ARMC8: variants seen among roughly 807,000 people sequenced by gnomAD.
ARMC8 encodes armadillo repeat-containing protein 8.
ARMC8 carries 20 observed loss-of-function variants against 99.3 expected under a neutral mutation model. That is an observed-to-expected ratio of 0.20 (90% CI 0.14 to 0.29). The LOEUF (loss-of-function observed/expected upper bound fraction) is 0.29. ARMC8 is among the 10% of genes least tolerant of loss of function. The pLI is 1.00. For missense variants in ARMC8, 569 were observed against 809.5 expected, an observed-to-expected ratio of 0.70 and a Z score of 3.60; for synonymous variants, 263 against 278.3, an observed-to-expected ratio of 0.95 and a Z score of 0.55.
intron 12 of ARMC8, chr3:138,261,400 T>A (rs552081966): frequency 3.9e-5 from 6 of 152,056 alleles, no homozygotes; most frequent in African/African-American, 1.4e-4. Flanking sequence ...TAGCCAAGGC[T>A]AGGGGGTGGG....
At chr3:138,283,644 C>G (rs531817250) in intron 18 of ARMC8, among the ~76,000 whole-genome samples, 4 of 152,282 alleles carry the variant, frequency 2.6e-5, no homozygotes, top group African/African-American at 7.2e-5. Context: ...GTATCCCTAT[C>G]ATAGTCCTTT....
intron 1 of ARMC8, among the ~76,000 whole-genome samples, chr3:138,209,234 T>C (rs550992646): frequency 6.6e-6 from 1 of 152,382 alleles, no homozygotes; most frequent in East Asian, 1.9e-4. Context: ...CTTAGCTTGC[T>C]GCTAAGTGTA....
At position 138,274,406 on chromosome 3, in the gene ARMC8, T is replaced by G. The variant is rs751183128; in HGVS notation, c.1630-43T>G. 2.3e-6 allele frequency: 3 copies of G among 1,317,272 alleles called. No individual in the cohort carries two copies. In the South Asian group the frequency reaches 3.6e-5, roughly 16 times the overall value. 81.6% of individuals were successfully genotyped at this position (1,317,272 alleles called of 1,614,324 possible). On this transcript the variant is annotated intron_variant, in intron 17 of 21. Coordinates refer to ENST00000469044, the MANE Select transcript of ARMC8 (RefSeq NM_001363941.2). ...TAGAAGCCTTGTATTCGTCCTGTGG[T>G]CTTTGTTTCTTTGATAATTATGGAT...
intron 1 of ARMC8, among the ~76,000 whole-genome samples, chr3:138,189,188 C>T (rs1189886486): frequency 6.6e-6 from 1 of 151,536 alleles, no homozygotes; most frequent in African/African-American, 2.4e-5. Flanking sequence ...ATAATATTTT[C>T]TGCTTATTTT....
chr3:138,200,554 C>T (rs949786417), intron 1 of ARMC8, among the ~76,000 whole-genome samples: 2 of 152,278 alleles, frequency 1.3e-5, no homozygotes, highest in Middle Eastern at 3.4e-3. Context: ...CCCAGGACAT[C>T]TAGCATCTTT....
intron 17 of ARMC8, among the ~76,000 whole-genome samples, chr3:138,273,627 A>G (rs757336544): frequency 2.4e-4 from 36 of 152,286 alleles, no homozygotes; most frequent in Non-Finnish European, 4.1e-4. Flanking sequence ...ATACCTCTCA[A>G]TGTTCTCTAA....
chr3:138,233,502 AC>A (rs1393979718), intron 6 of ARMC8, among the ~76,000 whole-genome samples: 1 of 152,242 alleles, frequency 6.6e-6, no homozygotes, highest in Non-Finnish European at 1.5e-5. Context: ...ACTATGGAGT[AC>A]TGTATTGTGA....
In ARMC8 at chr3:138,252,861, AC is replaced by A. The variant is rs2108220355; in HGVS notation, c.1134+7680del. Among the ~76,000 whole-genome samples, 6 of 151,378 alleles carry A rather than the reference AC, an allele frequency of 4.0e-5. No homozygotes were observed. In the South Asian group the frequency reaches 1.3e-3, roughly 32 times the overall value. On this transcript the variant is annotated intron_variant, in intron 12 of 21. Coordinates refer to ENST00000469044, the MANE Select transcript of ARMC8 (RefSeq NM_001363941.2). ...GCATATAGAAAGAAACAGGGCCCTG[AC>A]CAGAAGAGGGAGAAGCCAGTTGTCT...
chr3:138,232,122 C>T (rs2046077468), intron 6 of ARMC8, among the ~76,000 whole-genome samples: 1 of 151,588 alleles, frequency 6.6e-6, no homozygotes, highest in African/African-American at 2.4e-5. Context: ...AGGTGTGCAC[C>T]ACAATACCTG....
At chr3:138,289,501 A>G (rs542190753) in intron 20 of ARMC8, among the ~76,000 whole-genome samples, 2 of 152,344 alleles carry the variant, frequency 1.3e-5, no homozygotes, top group Admixed American at 1.3e-4. Context: ...CTACAGGCAG[A>G]TAAGCATGAT....
intron 1 of ARMC8, among the ~76,000 whole-genome samples, chr3:138,194,046 C>CTT (rs755827729): frequency 0.03 from 4,313 of 142,302 alleles, 230 homozygotes; most frequent in African/African-American, 0.1. Context: ...GGCATTACGT[C>CTT]TTTTTTTTTT....
At chr3:138,189,461 C>A (rs2043253951) in intron 1 of ARMC8, among the ~76,000 whole-genome samples, 2 of 152,090 alleles carry the variant, frequency 1.3e-5, no homozygotes, top group African/African-American at 4.8e-5. Context: ...CCCAGAGCAC[C>A]ATGTTTTGAA....
chr3:138,245,337 G>A (rs1576751078), intron 12 of ARMC8, 154 bp downstream of exon 12: 10 of 1,489,506 alleles, frequency 6.7e-6, no homozygotes, highest in Admixed American at 4.4e-5. Flanking sequence ...AATGGGACCC[G>A]GATTTGGGGG....
intron 19 of ARMC8, among the ~76,000 whole-genome samples, chr3:138,288,694 A>G (rs1466555012): frequency 1.4e-5 from 2 of 145,354 alleles, no homozygotes; most frequent in Admixed American, 7.2e-5. Flanking sequence ...GCTGAGTGCA[A>G]TGGCACGATC....
Position 138,286,717 on chromosome 3 carries a change from G to A in ARMC8, c.1821+2191G>A, listed in dbSNP as rs545268059. ...TTTAAGATCACTGGGTGGTTCTTACGTACAGACAGAGTTGAGAACCATTGC... is the reference window on the plus strand; with the variant it reads ...TTTAAGATCACTGGGTGGTTCTTACATACAGACAGAGTTGAGAACCATTGC... On this transcript the variant is annotated intron_variant, in intron 19 of 21. Transcript: ENST00000469044. Among the ~76,000 whole-genome samples, 7 of 152,076 alleles carry A rather than the reference G, an allele frequency of 4.6e-5. No homozygotes were observed. In the East Asian group the frequency reaches 1.4e-3, roughly 29 times the overall value.
At chr3:138,269,966 C>T in intron 15 of ARMC8, 74 bp from the exon 16 acceptor site, 2 of 958,276 alleles carry the variant, frequency 2.1e-6, no homozygotes, top group Admixed American at 2.0e-5. Flanking sequence ...TCACAAAGTG[C>T]CAAGGTATAT....
At chr3:138,286,705 G>T (rs1474382029) in intron 19 of ARMC8, among the ~76,000 whole-genome samples, 2 of 152,000 alleles carry the variant, frequency 1.3e-5, no homozygotes, top group African/African-American at 4.8e-5. Flanking sequence ...AAGATCACTG[G>T]GTGGTTCTTA....
chr3:138,191,887 C>G (rs550016774), intron 1 of ARMC8, among the ~76,000 whole-genome samples: 1 of 152,104 alleles, frequency 6.6e-6, no homozygotes, highest in Non-Finnish European at 1.5e-5. Context: ...TACCACAGCT[C>G]GTTTAACCAT....
At chr3:138,283,923 G>A (rs1297498353) in intron 18 of ARMC8, among the ~76,000 whole-genome samples, 10 of 152,148 alleles carry the variant, frequency 6.6e-5, no homozygotes, top group Admixed American at 6.5e-4. Flanking sequence ...GGTGTAGCTG[G>A]TGGACAGGGT....
Sources: gnomAD v4.1 joint callset for allele counts (sites outside exome capture counted in the v4.1 genomes callset) on GRCh38, gnomAD v4.1.1 for gene constraint, MANE v1.5 for transcripts, NCBI Gene and HGNC (gene_info 2026-07-23, HGNC 2026-07-21) for gene names.